LYPD6: variants seen among roughly 807,000 people sequenced by gnomAD.
LYPD6 encodes the protein ly6/PLAUR domain-containing protein 6.
LYPD6 carries 15 observed loss-of-function variants against 22.7 expected under a neutral mutation model. The ratio of observed to expected loss-of-function variants is 0.66; its 90% confidence interval spans 0.44 to 1.02. The LOEUF (loss-of-function observed/expected upper bound fraction) is 1.02, where lower values mean the gene tolerates loss of function less well. Ranked by LOEUF, LYPD6 falls within the 50% of genes least tolerant of loss-of-function variation. The probability of loss-of-function intolerance (pLI) is 0.00; values close to 1 mark genes in which losing one functional copy is unlikely to be tolerated. For synonymous variants in LYPD6, 72 were observed against 77.5 expected (o/e 0.93, Z 0.37); for missense variants, 189 against 208.4 (o/e 0.91, Z 0.57).
At chr2:149,430,379 C>T (rs1053981977) in intron 1 of LYPD6, among the ~76,000 whole-genome samples, 2 of 152,170 alleles carry the variant, frequency 1.3e-5, no homozygotes, top group Non-Finnish European at 2.9e-5. Flanking sequence ...GGATTACAGG[C>T]GTGAGCTGCT....
chr2:149,465,724 T>G (rs1681185117), intron 3 of LYPD6, among the ~76,000 whole-genome samples: 1 of 152,216 alleles, frequency 6.6e-6, no homozygotes, highest in South Asian at 2.1e-4. Context: ...ACTTTTAACT[T>G]TCAGAACGAG....
intron 1 of LYPD6, among the ~76,000 whole-genome samples, chr2:149,380,926 C>G (rs904770424): frequency 3.3e-5 from 5 of 152,166 alleles, no homozygotes; most frequent in African/African-American, 9.6e-5. Flanking sequence ...AAAGCCAACC[C>G]AGAGAAGAGT....
the LYPD6 span, among the ~76,000 whole-genome samples, chr2:149,484,000 A>C: frequency 6.6e-6 from 1 of 152,230 alleles, no homozygotes; most frequent in African/African-American, 2.4e-5. Flanking sequence ...GACCTCAGTT[A>C]AATTTCTTCA....
chr2:149,371,423 G>A (rs745481625), intron 1 of LYPD6, among the ~76,000 whole-genome samples: 10 of 152,188 alleles, frequency 6.6e-5, no homozygotes, highest in Non-Finnish European at 1.2e-4. Context: ...GAAAGTGGAC[G>A]TATATATCAT....
intron 1 of LYPD6, among the ~76,000 whole-genome samples, chr2:149,348,877 C>T (rs1681309970): frequency 6.6e-6 from 1 of 151,856 alleles, no homozygotes; most frequent in African/African-American, 2.4e-5. Flanking sequence ...TGGGTGGTTG[C>T]AGTGGAGATG....
chr2:149,398,202 C>T (rs1032222524), intron 1 of LYPD6, among the ~76,000 whole-genome samples: 2 of 152,182 alleles, frequency 1.3e-5, no homozygotes, highest in African/African-American at 4.8e-5. Flanking sequence ...CTTATGCCAA[C>T]TGAAGTCTTT....
intron 1 of LYPD6, among the ~76,000 whole-genome samples, chr2:149,405,696 A>G (rs1682686751): frequency 6.6e-6 from 1 of 152,070 alleles, no homozygotes; most frequent in Admixed American, 6.5e-5. Flanking sequence ...TCCTGGATTC[A>G]TTAATTGTTT....
chr2:149,421,760 CTG>C (rs1683086368), intron 1 of LYPD6, among the ~76,000 whole-genome samples: 1 of 152,058 alleles, frequency 6.6e-6, no homozygotes, highest in East Asian at 1.9e-4. Flanking sequence ...AGTTTTCTGT[CTG>C]TATTCATAAG....
At chr2:149,424,774 G>T (rs1199982359) in intron 1 of LYPD6, among the ~76,000 whole-genome samples, 1 of 152,188 alleles carries the variant, frequency 6.6e-6, no homozygotes, top group Non-Finnish European at 1.5e-5. Context: ...GAGCTGGAAT[G>T]TCAAGGGGCA....
chr2:149,453,332 T>C (rs1449463521), intron 3 of LYPD6, among the ~76,000 whole-genome samples: 1 of 152,190 alleles, frequency 6.6e-6, no homozygotes, highest in Non-Finnish European at 1.5e-5. Flanking sequence ...ACTGTAAAAA[T>C]GGTTATTAAA....
chr2:149,460,394 CATT>C (rs1392242700), intron 3 of LYPD6, among the ~76,000 whole-genome samples: 3 of 151,958 alleles, frequency 2.0e-5, no homozygotes, highest in Non-Finnish European at 4.4e-5. Flanking sequence ...CAGAGAGGAA[CATT>C]ATAGCATGAT....
intron 1 of LYPD6, among the ~76,000 whole-genome samples, chr2:149,364,296 TA>T (rs1424080584): frequency 2.0e-5 from 3 of 152,188 alleles, no homozygotes; most frequent in Admixed American, 6.5e-5. Context: ...CAATGTTACT[TA>T]TTCCTTTAAG....
intron 1 of LYPD6, among the ~76,000 whole-genome samples, chr2:149,423,551 A>C (rs1354212921): frequency 6.6e-6 from 1 of 152,074 alleles, no homozygotes; most frequent in Non-Finnish European, 1.5e-5. Context: ...ACTGGGCTGA[A>C]AAGTGTCCTA....
At chr2:149,401,610 A>T (rs1333471279) in intron 1 of LYPD6, among the ~76,000 whole-genome samples, 1 of 152,134 alleles carries the variant, frequency 6.6e-6, no homozygotes, top group Non-Finnish European at 1.5e-5. Flanking sequence ...GGAAATCTCT[A>T]CTTTAGGAAT....
At chr2:149,392,703 A>T (rs1264529605) in intron 1 of LYPD6, among the ~76,000 whole-genome samples, 1 of 152,164 alleles carries the variant, frequency 6.6e-6, no homozygotes, top group Non-Finnish European at 1.5e-5. Context: ...ACTTGAGAGG[A>T]TACTGCTTTA....
At chr2:149,446,404 T>TGTGCTAAA (rs1323890475) in intron 2 of LYPD6, among the ~76,000 whole-genome samples, 1 of 152,196 alleles carries the variant, frequency 6.6e-6, no homozygotes, top group Non-Finnish European at 1.5e-5. Flanking sequence ...ATCTGCAAAG[T>TGTGCTAAA]GTGCTAAAAT....
At chr2:149,379,455 C>G (rs1682009992) in intron 1 of LYPD6, among the ~76,000 whole-genome samples, 1 of 152,164 alleles carries the variant, frequency 6.6e-6, no homozygotes, top group Non-Finnish European at 1.5e-5. Flanking sequence ...ATGCTCAATT[C>G]CTGGAATAGA....
At chr2:149,420,358 G>A (rs1463584259) in intron 1 of LYPD6, among the ~76,000 whole-genome samples, 3 of 152,320 alleles carry the variant, frequency 2.0e-5, no homozygotes, top group East Asian at 1.9e-4. Flanking sequence ...TGCTGCCTCT[G>A]AAAATGTTGG....
downstream of LYPD6, among the ~76,000 whole-genome samples, chr2:149,477,120 G>C (rs1453282131): frequency 4.6e-5 from 7 of 152,124 alleles, no homozygotes. Context: ...ACCTTTAAAG[G>C]CTTTAAACAT....
Sources: allele counts gnomAD v4.1 joint callset (sites outside exome capture counted in the v4.1 genomes callset), GRCh38; gene constraint gnomAD v4.1.1; transcripts MANE v1.5; gene names NCBI Gene and HGNC (gene_info 2026-07-23, HGNC 2026-07-21).